Variants in ARMH1 observed in about 807,000 individuals in gnomAD.
ARMH1 encodes armadillo-like helical domain containing protein 1.
ARMH1 carries 34 observed loss-of-function variants against 50.2 expected under a neutral mutation model. The ratio of observed to expected loss-of-function variants is 0.68; its 90% CI spans 0.51 to 0.90. ARMH1 has a LOEUF of 0.90. ARMH1 is among the 40% of genes least tolerant of loss of function. The pLI, the probability that ARMH1 is intolerant of heterozygous loss-of-function variation, is 0.00. For missense variants in ARMH1, 538 were observed against 553.9 expected (o/e 0.97, Z 0.29); for synonymous variants, 221 against 224.2 (o/e 0.99, Z 0.13).
intron 1 of ARMH1, among the ~76,000 whole-genome samples, chr1:44,689,412 G>T (rs1231334932): frequency 1.3e-5 from 2 of 152,092 alleles, no homozygotes; most frequent in East Asian, 3.9e-4. Context: ...TTAGTTGCTG[G>T]CATCAGTAGG....
At chr1:44,690,627 A>G (rs1019817714) in intron 2 of ARMH1, among the ~76,000 whole-genome samples, 1 of 152,196 alleles carries the variant, frequency 6.6e-6, no homozygotes, top group African/African-American at 2.4e-5. Context: ...TCCCTGTTTC[A>G]AATCTATATT....
rs368253730 is a variant in ARMH1 at position 44,725,330 on chromosome 1, T to C, written c.1250T>C (p.Leu417Pro). ...GGCAGCTCCTACAGCATGAACACTCTCTATGGCTCGCGCGATTCGGCTCAG... is the reference window on the plus strand; with the variant it reads ...GGCAGCTCCTACAGCATGAACACTCCCTATGGCTCGCGCGATTCGGCTCAG... ...LHGSSYSMNT[L>P]YGSRDSAQMA... The change falls in exon 12 of 12, where the codon CTC becomes CCC. Residue 417 changes from leucine (L) to proline (P), a missense_variant. Coordinates refer to ENST00000535358, the MANE Select transcript of ARMH1 (RefSeq NM_001145636.2). 298 of 1,551,682 alleles carry C rather than the reference T, an allele frequency of 1.9e-4. 3 individuals carry two copies. The African/African-American group carries it at 3.8e-3, about 20-fold the overall frequency.
At chr1:44,721,062 CAAAAGA>C (rs1557565733) in intron 6 of ARMH1, among the ~76,000 whole-genome samples, 1 of 151,292 alleles carries the variant, frequency 6.6e-6, no homozygotes, top group Non-Finnish European at 1.5e-5. Flanking sequence ...AAAAAAAGGG[CAAAAGA>C]AAGAGAAGGC....
At chr1:44,700,761 G>GT (rs764758372) in intron 4 of ARMH1, among the ~76,000 whole-genome samples, 162 bp from the exon 5 acceptor site, 3 of 152,058 alleles carry the variant, frequency 2.0e-5, no homozygotes, top group Non-Finnish European at 2.9e-5. Flanking sequence ...TAACTCTAAG[G>GT]TAAACAAGAC....
intron 6 of ARMH1, among the ~76,000 whole-genome samples, chr1:44,705,316 C>A (rs1646292598): frequency 6.6e-6 from 1 of 152,012 alleles, no homozygotes; most frequent in African/African-American, 2.4e-5. Flanking sequence ...CACAGCAAAA[C>A]CCCGTCTCTA....
intron 5 of ARMH1, 52 bp from the exon 6 acceptor site, chr1:44,704,036 CT>C: frequency 6.4e-5 from 91 of 1,422,676 alleles, no homozygotes; most frequent in South Asian, 7.5e-5. Context: ...GGGAATCCAT[CT>C]TTAAAAAAAA....
intron 1 of ARMH1, among the ~76,000 whole-genome samples, chr1:44,680,076 A>T (rs1448393206): frequency 6.6e-6 from 1 of 152,270 alleles, no homozygotes; most frequent in Non-Finnish European, 1.5e-5. Flanking sequence ...CAACACTGAG[A>T]TGCAGAGGGC....
In ARMH1 at chr1:44,724,087, TGGG is replaced by T; in HGVS notation, c.725-33_725-31del. 1 of 1,543,972 alleles carries T rather than the reference TGGG, an allele frequency of 6.5e-7. No homozygotes were observed. Among genetic ancestry groups the T allele is most frequent in the Non-Finnish European group, 8.7e-7 (1 of 1,142,968 alleles). On this transcript the variant is annotated intron_variant, in intron 6 of 11. Coordinates refer to ENST00000535358, the MANE Select transcript of ARMH1 (RefSeq NM_001145636.2). This position sits in a 1 kb window ranked among gnomAD's most constrained non-coding sequence, Gnocchi z 6.4. The stretch of plus-strand genomic sequence containing the variant: ...TTGCTTCCTCGGTGGCGGAGGGGCC[TGGG>T]GCCTCTCTCCAGCACCTCTGCCCTT...
In ARMH1 at chr1:44,689,729, G is replaced by T; in HGVS notation, c.32G>T (p.Ser11Ile). 1 of 1,552,008 alleles carries T rather than the reference G, an allele frequency of 6.4e-7. No homozygotes were observed. Among genetic ancestry groups the T allele is most frequent in the East Asian group, 2.4e-5 (1 of 40,932 alleles). ...TCTATAAAGGAGCAGGCAGCAATTA[G>T]CAGGCTCTTAAGTTTTTTACAGGAG... is the stretch of plus-strand genomic sequence containing the variant. Reference protein sequence around the residue: MTSIKEQAAISRLLSFLQEWD... With the variant: MTSIKEQAAIIRLLSFLQEWD... The change falls in exon 2 of 12, where the codon AGC becomes ATC. Residue 11 changes from serine (S) to isoleucine (I), a missense_variant. By Grantham distance (142) the Ser-to-Ile change is moderately radical. Coordinates refer to ENST00000535358, the MANE Select transcript of ARMH1 (RefSeq NM_001145636.2).
At position 44,725,265 on chromosome 1, in the gene ARMH1, C is replaced by T. The variant is rs768608931; in HGVS notation, c.1211-26C>T. On this transcript the variant is annotated intron_variant, in intron 11 of 11. Coordinates refer to ENST00000535358, the MANE Select transcript of ARMH1 (RefSeq NM_001145636.2). The stretch of plus-strand genomic sequence containing the variant: ...CGGGCGCAGGCGCCGCCAGCACAGC[C>T]TCACGCCCGCCTTTCCTGCCTGCAG... 5 of 1,551,810 alleles carry T rather than the reference C, an allele frequency of 3.2e-6. 1 individual carries two copies. The South Asian group carries it at 5.9e-5, about 18-fold the overall frequency.
intron 1 of ARMH1, among the ~76,000 whole-genome samples, chr1:44,687,791 G>A (rs1645523157): frequency 6.6e-6 from 1 of 152,210 alleles, no homozygotes; most frequent in Non-Finnish European, 1.5e-5. Flanking sequence ...TAAAGCTGAT[G>A]TTTGTTGATG....
chr1:44,706,961 T>C (rs901188767), intron 6 of ARMH1, among the ~76,000 whole-genome samples: 3 of 152,074 alleles, frequency 2.0e-5, no homozygotes, highest in Admixed American at 6.6e-5. Context: ...TGTGGCAAAC[T>C]TGCCCACTCC....
intron 6 of ARMH1, among the ~76,000 whole-genome samples, chr1:44,711,090 T>A (rs749459296): frequency 3.9e-5 from 6 of 152,268 alleles, no homozygotes; most frequent in Non-Finnish European, 7.3e-5. Context: ...GTTTATCCAT[T>A]CATTCATTAT....
intron 6 of ARMH1, among the ~76,000 whole-genome samples, chr1:44,710,981 CATA>C (rs1646589800): frequency 6.6e-6 from 1 of 152,014 alleles, no homozygotes; most frequent in Non-Finnish European, 1.5e-5. Flanking sequence ...TTCCACTTAG[CATA>C]ATATTTTCAA....
chr1:44,696,715 T>G (rs902212566), intron 2 of ARMH1, among the ~76,000 whole-genome samples: 11 of 152,092 alleles, frequency 7.2e-5, no homozygotes, highest in African/African-American at 2.4e-4. Context: ...TAGGGAAATC[T>G]AAGAATGAGG....
In ARMH1 at chr1:44,724,877, T is replaced by C. The variant is rs1489517955; in HGVS notation, c.1128+38T>C. ...TTCCTGCCCCGCCGCAATGAGCAGATGGCGGCTCGGACAGTGTGATGCCCC... is the reference window on the plus strand; with the variant it reads ...TTCCTGCCCCGCCGCAATGAGCAGACGGCGGCTCGGACAGTGTGATGCCCC... On this transcript the variant is annotated intron_variant, in intron 10 of 11. Coordinates refer to ENST00000535358, the MANE Select transcript of ARMH1 (RefSeq NM_001145636.2). The surrounding 1 kb of genome is among the most constrained non-coding windows in gnomAD (Gnocchi z 6.4). 1.3e-6 allele frequency: 2 copies of C among 1,533,312 alleles called. No homozygotes were observed. The highest frequency in any genetic ancestry group is 1.7e-6 in the Non-Finnish European group (2 of 1,143,504). 95.0% of individuals were successfully genotyped at this position (1,533,312 alleles called of 1,614,324 possible).
At chr1:44,691,526 G>A (rs1027734496) in intron 2 of ARMH1, among the ~76,000 whole-genome samples, 6 of 152,002 alleles carry the variant, frequency 3.9e-5, no homozygotes, top group African/African-American at 1.5e-4. Flanking sequence ...GATTATCTTG[G>A]TGTCTATGCA....
intron 2 of ARMH1, among the ~76,000 whole-genome samples, chr1:44,691,289 G>A (rs914851279): frequency 1.3e-5 from 2 of 151,774 alleles, no homozygotes; most frequent in East Asian, 3.9e-4. Context: ...AAAAATAAAG[G>A]TTGTTGAGTC....
At chr1:44,698,015 A>C (rs576298324) in intron 3 of ARMH1, 48 bp from the exon 4 acceptor site, 2 of 1,464,456 alleles carry the variant, frequency 1.4e-6, no homozygotes, top group African/African-American at 2.8e-5. Flanking sequence ...CTCAGTGCAA[A>C]GGAACTTGAC....
Sources: gnomAD v4.1 joint callset for allele counts (sites outside exome capture counted in the v4.1 genomes callset) on GRCh38, gnomAD v4.1.1 for gene constraint, Gnocchi (gnomAD v3.1) non-coding constraint, MANE v1.5 for transcripts, NCBI Gene and HGNC (gene_info 2026-07-23, HGNC 2026-07-21) for gene names.